Variants in RABEP2 observed in about 807,000 individuals in gnomAD.
RABEP2 encodes rabaptin, RAB GTPase binding effector protein 2.
In RABEP2, 57 loss-of-function variants were observed where a neutral mutation model predicts 74.1. The ratio of observed to expected loss-of-function variants is 0.77; its 90% CI spans 0.62 to 0.96. The LOEUF (loss-of-function observed/expected upper bound fraction) is 0.96. RABEP2 is among the 40% of genes least tolerant of loss of function. The pLI is 0.00. For synonymous variants in RABEP2, 351 were observed against 344.0 expected, an observed-to-expected ratio of 1.02 and a Z score of -0.23; for missense variants, 692 against 756.3, an observed-to-expected ratio of 0.91 and a Z score of 1.00.
intron 8 of RABEP2, among the ~76,000 whole-genome samples, chr16:28,907,461 A>G (rs1420502160): frequency 1.3e-5 from 2 of 151,592 alleles, no homozygotes; most frequent in African/African-American, 4.9e-5. Flanking sequence ...CCCAGCTAAT[A>G]TTTTTATTTT....
At chr16:28,915,966 A>T (rs1161855510) in intron 3 of RABEP2, among the ~76,000 whole-genome samples, 1 of 151,862 alleles carries the variant, frequency 6.6e-6, no homozygotes. Flanking sequence ...CAGCCTCCCA[A>T]GTAGCTAGAA....
rs1271444440 is a variant in RABEP2, at chr16:28,908,755, C to A, written c.1099G>T (p.Val367Phe). Residue 367 changes from valine (V) to phenylalanine (F), a missense_variant, in exon 8 of 13, where the codon GTC (valine) becomes TTC (phenylalanine). By Grantham distance (50) the Val-to-Phe change is conservative. Transcript: ENST00000358201. ...TGGTGCAGGCACTTGTGGGTGGTGA[C>A]CAGCTCCGCCTATGGACAGACAGTT... is the stretch of plus-strand genomic sequence containing the variant. ...ERVQLQMAELVTTHKCLHHEV... is the reference protein window; with the variant it reads ...ERVQLQMAELFTTHKCLHHEV... 4 of 1,614,034 alleles carry A rather than the reference C, an allele frequency of 2.5e-6. No homozygotes were observed. The highest frequency in any genetic ancestry group is 3.4e-6 in the Non-Finnish European group (4 of 1,179,960).
chr16:28,914,448 AGTT>A lies in RABEP2; in HGVS notation c.679_681del (p.Asn227del), dbSNP rs1445216229. On this transcript the variant is annotated inframe_deletion, in exon 5 of 13. Coordinates refer to ENST00000358201, the MANE Select transcript of RABEP2 (RefSeq NM_024816.3). The stretch of plus-strand genomic sequence containing the variant: ...GAGGAGATGGAGGCGCTGTCATCGC[AGTT>A]GTGAGCGAAGGCCTCAGCGGCTGGA... 9 of 1,613,508 alleles carry A rather than the reference AGTT, an allele frequency of 5.6e-6. No individual in the cohort carries two copies. Among genetic ancestry groups the A allele is most frequent in the Middle Eastern group, 3.3e-4 (2 of 6,058 alleles).
Position 28,905,763 on chromosome 16 carries a change from G to T in RABEP2, c.1436-4C>A. 1 of 1,614,032 alleles carries T rather than the reference G, an allele frequency of 6.2e-7. No homozygotes were observed. Among genetic ancestry groups the T allele is most frequent in the Non-Finnish European group, 8.5e-7 (1 of 1,179,972 alleles). On this transcript the variant is annotated splice_polypyrimidine_tract_variant and splice_region_variant and intron_variant, in intron 10 of 12. Coordinates refer to ENST00000358201, the MANE Select transcript of RABEP2 (RefSeq NM_024816.3). ...GTCCTCAGGCTGCACAGGGAGGCTG[G>T]GAAGTCAGGGCAGGGGGAGACGTCA...
intron 3 of RABEP2, among the ~76,000 whole-genome samples, chr16:28,918,878 T>C (rs1348333616): frequency 2.0e-5 from 3 of 152,300 alleles, no homozygotes; most frequent in Admixed American, 1.3e-4. Flanking sequence ...TGGAGTGCAG[T>C]AGTGAGATCA....
chr16:28,916,413 T>G (rs1025792013), intron 3 of RABEP2: 2 of 152,168 alleles, frequency 1.3e-5, no homozygotes, highest in Admixed American at 1.3e-4. Flanking sequence ...GGTTCATGCC[T>G]GTAATCCCAG....
chr16:28,924,158 G>T, intron 2 of RABEP2: 1 of 547,362 alleles, frequency 1.8e-6, no homozygotes, highest in Admixed American at 3.2e-5. Context: ...GAAATGACAT[G>T]GGACAAGGCA....
At chr16:28,923,685 C>A (rs919990448) in intron 2 of RABEP2, among the ~76,000 whole-genome samples, 1 of 152,126 alleles carries the variant, frequency 6.6e-6, no homozygotes, top group African/African-American at 2.4e-5. Context: ...AAAGGGAAAT[C>A]GCATGTTGGG....
At chr16:28,922,648 C>T (rs1456304601) in intron 2 of RABEP2, among the ~76,000 whole-genome samples, 1 of 151,954 alleles carries the variant, frequency 6.6e-6, no homozygotes, top group East Asian at 1.9e-4. Flanking sequence ...TAGCATGAAC[C>T]CGGGAGGTGG....
intron 3 of RABEP2, among the ~76,000 whole-genome samples, chr16:28,918,094 A>T: frequency 1.0e-5 from 1 of 99,730 alleles, no homozygotes; most frequent in African/African-American, 4.3e-5. Flanking sequence ...TTTTTTTGAG[A>T]CGGAGTCTCG....
chr16:28,922,469 C>T (rs974157714), intron 2 of RABEP2, among the ~76,000 whole-genome samples: 2 of 151,864 alleles, frequency 1.3e-5, no homozygotes, highest in African/African-American at 4.8e-5. Flanking sequence ...CCCCTCTAAT[C>T]CCAGCACTCT....
At chr16:28,905,189 C>T in intron 12 of RABEP2, 145 bp from the exon 13 acceptor site, 2 of 719,108 alleles carry the variant, frequency 2.8e-6, no homozygotes, top group South Asian at 3.7e-5. Flanking sequence ...CCCTGAGCGT[C>T]CACCATGCCC....
chr16:28,915,862 G>A lies in RABEP2; in HGVS notation c.433-1080C>T, dbSNP rs145020160. Among the ~76,000 whole-genome samples the A allele has an allele frequency of 1.7e-4, 24 of 141,518 alleles. 1 individual carries two copies. The highest frequency in any genetic ancestry group is 6.1e-4 in the African/African-American group (23 of 37,776). The allele number at this position is 141,518 out of a possible 152,430, so 92.8% of individuals were successfully genotyped here. On this transcript the variant is annotated intron_variant, in intron 3 of 12. Coordinates refer to ENST00000358201, the MANE Select transcript of RABEP2 (RefSeq NM_024816.3). The stretch of plus-strand genomic sequence containing the variant: ...AGGACAACTTTTTTTCTTTTAATAA[G>A]AAGTTTCATTCTTGTTGCCCAAGCT...
rs766237200 is a variant in RABEP2 at position 28,924,927 on chromosome 16, T to C, written c.61+176A>G. On this transcript the variant is annotated intron_variant, in intron 1 of 12. Coordinates refer to ENST00000358201, the MANE Select transcript of RABEP2 (RefSeq NM_024816.3). Reference sequence around the variant, plus strand: ...CGCACCTGTCACTGGCCCTACCCCTTCAATGGCCGGGCCACGCCCCCTTTT... The same window carrying C: ...CGCACCTGTCACTGGCCCTACCCCTCCAATGGCCGGGCCACGCCCCCTTTT... The C allele has an allele frequency of 1.0e-4, 91 of 878,358 alleles. No individual in the cohort carries two copies. The East Asian group carries it at 2.3e-3, about 23-fold the overall frequency. The allele number at this position is 878,358 out of a possible 1,614,324, so 54.4% of individuals were successfully genotyped here.
rs1964217423 is a variant in RABEP2 at position 28,905,741 on chromosome 16, C to T, written c.1454G>A (p.Arg485Lys). The T allele has an allele frequency of 6.2e-7, 1 of 1,613,952 alleles. No individual in the cohort carries two copies. Among genetic ancestry groups the T allele is most frequent in the Non-Finnish European group, 8.5e-7 (1 of 1,179,974 alleles). Reference sequence around the variant, plus strand: ...CTGCTGCACCCGCTCCATCTCTGTCCTCAGGCTGCACAGGGAGGCTGGGAA... The same window carrying T: ...CTGCTGCACCCGCTCCATCTCTGTCTTCAGGCTGCACAGGGAGGCTGGGAA... Reference protein sequence around the residue: ...EVLEASLCSLRTEMERVQQEQ... With the variant: ...EVLEASLCSLKTEMERVQQEQ... The change falls in exon 11 of 13, where the codon AGG (arginine) becomes AAG (lysine). Residue 485 changes from arginine (R) to lysine (K), a missense_variant. Physicochemically the swap from Arg to Lys is conservative, Grantham distance 26. Coordinates refer to ENST00000358201, the MANE Select transcript of RABEP2 (RefSeq NM_024816.3).
chr16:28,924,137 G>C (rs769943640), intron 2 of RABEP2: 2 of 513,268 alleles, frequency 3.9e-6, no homozygotes, highest in East Asian at 7.1e-5. Flanking sequence ...TCAATCATCA[G>C]TGAGGGACAA....
At chr16:28,920,096 A>G (rs1964450325) in intron 2 of RABEP2, among the ~76,000 whole-genome samples, 153 bp from the exon 3 acceptor site, 1 of 152,134 alleles carries the variant, frequency 6.6e-6, no homozygotes, top group African/African-American at 2.4e-5. Flanking sequence ...TGACCTGGGC[A>G]ATCACTCAGC....
intron 5 of RABEP2, among the ~76,000 whole-genome samples, chr16:28,912,706 C>G (rs773119967): frequency 6.6e-6 from 1 of 152,140 alleles, no homozygotes; most frequent in Non-Finnish European, 1.5e-5. Context: ...AGCCACTGCA[C>G]CTGGCCCCAA....
chr16:28,914,175 G>A (rs947883356), intron 5 of RABEP2, 61 bp downstream of exon 5: 56 of 1,378,820 alleles, frequency 4.1e-5, no homozygotes, highest in East Asian at 2.8e-4. Context: ...CAGGTGGTGC[G>A]GGGGAAGCAT....
Sources: allele counts gnomAD v4.1 joint callset (sites outside exome capture counted in the v4.1 genomes callset), GRCh38; gene constraint gnomAD v4.1.1; transcripts MANE v1.5; gene names NCBI Gene and HGNC (gene_info 2026-07-23, HGNC 2026-07-21).